UCHL5: variants seen among roughly 807,000 people sequenced by gnomAD.
UCHL5 encodes ubiquitin carboxyl-terminal hydrolase isozyme L5.
In UCHL5, 34 loss-of-function variants were observed where a neutral mutation model predicts 53.8. The observed-to-expected ratio is 0.63, with a 90% CI of 0.48 to 0.84. UCHL5 has a LOEUF of 0.84. Among genes scored for constraint, UCHL5 ranks in the 40% least tolerant of loss-of-function variants. UCHL5 has a pLI of 0.00. For synonymous variants in UCHL5, 111 were observed against 126.3 expected, an observed-to-expected ratio of 0.88 and a Z score of 0.81; for missense variants, 290 against 385.6, an observed-to-expected ratio of 0.75 and a Z score of 2.08.
At chr1:193,053,579 C>T (rs750059435) in intron 1 of UCHL5, among the ~76,000 whole-genome samples, 1 of 152,164 alleles carries the variant, frequency 6.6e-6, no homozygotes, top group Non-Finnish European at 1.5e-5. Context: ...CCAGCACTGT[C>T]GTAAAGGTCT....
chr1:193,028,196 T>C (rs1660058418), intron 6 of UCHL5, 48 bp from the exon 7 acceptor site: 5 of 1,489,850 alleles, frequency 3.4e-6, no homozygotes, highest in African/African-American at 1.4e-5. Context: ...ATAAGAACAA[T>C]CAACTTTAAA....
chr1:193,032,935 T>C (rs1217830221), intron 3 of UCHL5, among the ~76,000 whole-genome samples: 1 of 152,218 alleles, frequency 6.6e-6, no homozygotes, highest in African/African-American at 2.4e-5. Flanking sequence ...GGTGGGAGTG[T>C]AAATTTGTTC....
intron 3 of UCHL5, among the ~76,000 whole-genome samples, chr1:193,035,316 G>A (rs1405864854): frequency 6.6e-6 from 1 of 151,910 alleles, no homozygotes; most frequent in Non-Finnish European, 1.5e-5. Flanking sequence ...AAAGGTTAAA[G>A]ACAAAGAGAG....
In UCHL5 at chr1:193,058,064, T is replaced by TAAA. The variant is rs541080246; in HGVS notation, c.76+1118_76+1120dup. Among the ~76,000 whole-genome samples, 1,321 of 143,444 alleles carry TAAA rather than the reference T, an allele frequency of 9.2e-3. 11 individuals carry two copies. Among genetic ancestry groups the TAAA allele is most frequent in the South Asian group, 0.035 (157 of 4,514 alleles). The allele number at this position is 143,444 out of a possible 152,430, so 94.1% of individuals were successfully genotyped here. On this transcript the variant is annotated intron_variant, in intron 1 of 10. Transcript: ENST00000367454. The stretch of plus-strand genomic sequence containing the variant: ...CAGCATGGTGAAACCCTGTCTCTAC[T>TAAA]AAAAAAAAAAAAATTAGCCGGGCAT...
intron 9 of UCHL5, among the ~76,000 whole-genome samples, chr1:193,021,712 T>C (rs1026377049): frequency 3.3e-5 from 5 of 152,218 alleles, no homozygotes; most frequent in African/African-American, 1.2e-4. Flanking sequence ...TGACCTATTA[T>C]ATATTCTGCC....
intron 7 of UCHL5, 129 bp downstream of exon 7, chr1:193,027,956 C>G: frequency 6.7e-7 from 1 of 1,495,636 alleles, no homozygotes; most frequent in Non-Finnish European, 8.9e-7. Context: ...AAACCCGTCT[C>G]TACGAAAAAT....
chr1:193,035,741 T>C (rs531807423), intron 3 of UCHL5, among the ~76,000 whole-genome samples: 16 of 152,138 alleles, frequency 1.1e-4, no homozygotes, highest in Admixed American at 7.9e-4. Flanking sequence ...AACTCTGATA[T>C]AAAGCCCAAA....
Position 193,028,211 on chromosome 1 carries a change from A to G in UCHL5, c.566-63T>C, listed in dbSNP as rs928661575. On this transcript the variant is annotated intron_variant, in intron 6 of 10. Coordinates refer to ENST00000367454, the MANE Select transcript of UCHL5 (RefSeq NM_001199261.3). ...ATAAGAACAATCAACTTTAAAATGC[A>G]AAAGTTTGGCCCAAAATATTTTTTT... 6 of 1,394,870 alleles carry G rather than the reference A, an allele frequency of 4.3e-6. No individual in the cohort carries two copies. The South Asian group carries it at 7.7e-5, about 18-fold the overall frequency. 86.4% of individuals were successfully genotyped at this position (1,394,870 alleles called of 1,614,324 possible).
At position 193,013,882 on chromosome 1, in the gene UCHL5, C is replaced by G. The variant is rs991957381; in HGVS notation, c.*2469G>C. The G allele has an allele frequency of 1.3e-5, 2 of 152,028 alleles. No individual in the cohort carries two copies. The highest frequency in any genetic ancestry group is 2.9e-5 in the Non-Finnish European group (2 of 68,016). 9.4% of individuals were successfully genotyped at this position (152,028 alleles called of 1,614,324 possible). A position where few individuals can be genotyped will look rare whatever the true frequency, so the allele number is the denominator to read the frequency against. On this transcript the variant is annotated 3_prime_UTR_variant, in exon 11 of 11. Coordinates refer to ENST00000367454, the MANE Select transcript of UCHL5 (RefSeq NM_001199261.3). ...TGGCACAGTCGAGCTGACTGCTGTT[C>G]GGAAAAGGGCAAGCTATCTTGGGAA...
chr1:193,014,714 T>C lies in UCHL5; in HGVS notation c.*1637A>G, dbSNP rs1654644077. 6.6e-6 allele frequency: 1 copy of C among 152,184 alleles called. No individual in the cohort carries two copies. Among genetic ancestry groups the C allele is most frequent in the Admixed American group, 6.6e-5 (1 of 15,260 alleles). 9.4% of individuals were successfully genotyped at this position (152,184 alleles called of 1,614,324 possible). On this transcript the variant is annotated 3_prime_UTR_variant, in exon 11 of 11. Transcript: ENST00000367454. ...TGTTGAAAAGACTTTCCTTCTCTGT[T>C]GAATTGTTTTGCCACCTTTGTCGAA...
At chr1:193,036,924 T>C (rs564069897) in intron 3 of UCHL5, among the ~76,000 whole-genome samples, 11 of 149,500 alleles carry the variant, frequency 7.4e-5, no homozygotes, top group Admixed American at 7.3e-4. Context: ...ATAAAGAAAA[T>C]AAGAAAAAAA....
intron 7 of UCHL5, among the ~76,000 whole-genome samples, chr1:193,024,246 AAAAAAAAAC>A (rs1218568742): frequency 2.0e-5 from 3 of 151,782 alleles, no homozygotes; most frequent in Non-Finnish European, 2.9e-5. Context: ...TGTCTCTTAA[AAAAAAAAAC>A]AAAAAAAAGC....
In UCHL5 at chr1:193,029,542, A is replaced by G; in HGVS notation, c.362T>C (p.Phe121Ser). 4.3e-6 allele frequency: 7 copies of G among 1,613,644 alleles called. No homozygotes were observed. Among genetic ancestry groups the G allele is most frequent in the Non-Finnish European group, 5.9e-6 (7 of 1,179,746 alleles). The change falls in exon 4 of 11, where the codon TTT becomes TCT. Residue 121 changes from phenylalanine (F) to serine (S), a missense_variant. Transcript: ENST00000367454. ...GAAGATTGTACTCACAGCTGCATCA[A>G]AACTTTGTGAAAATTCTTTAAACTC... ...LSEFKEFSQS[F>S]DAAMKGLALS...
At chr1:193,056,471 G>C (rs1670656570) in intron 1 of UCHL5, among the ~76,000 whole-genome samples, 1 of 152,036 alleles carries the variant, frequency 6.6e-6, no homozygotes, top group Admixed American at 6.5e-5. Context: ...AATGAATCTA[G>C]TCCCCATTAC....
intron 3 of UCHL5, among the ~76,000 whole-genome samples, chr1:193,042,768 A>G (rs1666020798): frequency 6.6e-6 from 1 of 152,326 alleles, no homozygotes; most frequent in East Asian, 1.9e-4. Flanking sequence ...GTAACTTTCT[A>G]TTACTCTAAA....
intron 3 of UCHL5, among the ~76,000 whole-genome samples, chr1:193,047,476 A>C (rs1667712565): frequency 6.6e-6 from 1 of 152,186 alleles, no homozygotes; most frequent in Admixed American, 6.5e-5. Context: ...AAGAATACTC[A>C]ATTCAAAAAA....
chr1:193,051,476 TAAAAAAA>T lies in UCHL5; in HGVS notation c.140+271_140+277del, dbSNP rs375074775. 1.7e-5 allele frequency among the ~76,000 whole-genome samples: 2 copies of T among 119,730 alleles called. 1 individual carries two copies. The highest frequency in any genetic ancestry group is 1.8e-4 in the Admixed American group (2 of 11,384). The allele number at this position is 119,730 out of a possible 152,430, so 78.5% of individuals were successfully genotyped here. A position where few individuals can be genotyped will look rare whatever the true frequency, so the allele number is the denominator to read the frequency against. ...ACTATTGATATATAAGTGAATTTTG[TAAAAAAA>T]AAAAAAAAAAAAAATCAACTAACCA... On this transcript the variant is annotated intron_variant, in intron 2 of 10. Transcript: ENST00000367454.
At chr1:193,052,430 T>C (rs1307866508) in intron 1 of UCHL5, among the ~76,000 whole-genome samples, 1 of 152,128 alleles carries the variant, frequency 6.6e-6, no homozygotes, top group Non-Finnish European at 1.5e-5. Context: ...GAGAGGCTAC[T>C]AGCAACTATT....
At chr1:193,053,635 T>C (rs1390121878) in intron 1 of UCHL5, among the ~76,000 whole-genome samples, 1 of 152,186 alleles carries the variant, frequency 6.6e-6, no homozygotes, top group East Asian at 1.9e-4. Flanking sequence ...ACTTGCACCA[T>C]GCATATATAA....
Sources: allele counts gnomAD v4.1 joint callset (sites outside exome capture counted in the v4.1 genomes callset), GRCh38; gene constraint gnomAD v4.1.1; transcripts MANE v1.5; gene names NCBI Gene and HGNC (gene_info 2026-07-23, HGNC 2026-07-21).